The following GAREM1 variants were observed in gnomAD, a reference collection of about 807,000 sequenced individuals.
The protein encoded by GAREM1 is GRB2 associated regulator of MAPK1 subtype 1, also known as GRB2-associated and regulator of MAPK protein 1.
In GAREM1, 26 loss-of-function variants were observed where a neutral mutation model predicts 71.3. That is an observed-to-expected ratio of 0.36 (90% confidence interval 0.27 to 0.51). The LOEUF is 0.51. GAREM1 is among the 20% of genes least tolerant of loss of function. GAREM1 has a pLI of 0.95. For missense variants in GAREM1, 1,026 were observed against 1,103.1 expected (o/e 0.93, Z 0.99); for synonymous variants, 440 against 433.2 (o/e 1.02, Z -0.20).
At chr18:32,300,882 GGC>G (rs2047193558) in intron 3 of GAREM1, among the ~76,000 whole-genome samples, 2 of 141,646 alleles carry the variant, frequency 1.4e-5, no homozygotes, top group Admixed American at 7.3e-5. Context: ...CTCCAGCCCG[GGC>G]AACAAGAGTG....
chr18:32,463,425 A>AT (rs2048970095), intron 1 of GAREM1, among the ~76,000 whole-genome samples: 2 of 152,068 alleles, frequency 1.3e-5, no homozygotes, highest in African/African-American at 4.8e-5. Flanking sequence ...TAGGTTTATC[A>AT]CTGTCCACTG....
rs778557546 is a variant in GAREM1, at chr18:32,287,137, G to A, written c.1460C>T (p.Ser487Phe). 1.4e-5 allele frequency: 23 copies of A among 1,614,216 alleles called. No individual in the cohort carries two copies. The highest frequency in any genetic ancestry group is 1.8e-5 in the Non-Finnish European group (21 of 1,180,018). The change falls in exon 4 of 6, where the codon TCC becomes TTC. Residue 487 changes from serine (S) to phenylalanine (F), a missense_variant. Around this residue, in one of 3 missense-constraint regions of GAREM1, gnomAD observed 636 missense variants for 631.2 expected, o/e 1.01. Coordinates refer to ENST00000269209, the MANE Select transcript of GAREM1 (RefSeq NM_001242409.2). The surrounding 1 kb of genome is among the most constrained non-coding windows in gnomAD (Gnocchi z 5.9). Reference sequence around the variant, plus strand: ...GGGAAGAGGAGAAGTCGCACATTTGGATCGGACAGAACCTCTAAACTGATC... The same window carrying A: ...GGGAAGAGGAGAAGTCGCACATTTGAATCGGACAGAACCTCTAAACTGATC... ...RCDQFRGSVR[S>F]KCATSPLPIP... is the part of the protein sequence containing the mutation.
intron 2 of GAREM1, among the ~76,000 whole-genome samples, chr18:32,330,242 A>G (rs1016765135): frequency 2.6e-5 from 4 of 152,208 alleles, no homozygotes; most frequent in African/African-American, 9.7e-5. Context: ...ATCCTAAGTG[A>G]ATTAATGCAG....
In GAREM1 at chr18:32,311,834, G is replaced by A. The variant is rs567813986; in HGVS notation, c.263-1511C>T. On this transcript the variant is annotated intron_variant, in intron 2 of 5. Transcript: ENST00000269209. ...ACCTGAGTGGAATGGGGATTTGAGC[G>A]GAGAGCTGGTGATCTAACCAATGCT... is the stretch of plus-strand genomic sequence containing the variant. Among the ~76,000 whole-genome samples the A allele has an allele frequency of 5.3e-5, 8 of 152,344 alleles. No homozygotes were observed. In the East Asian group the frequency reaches 7.7e-4, roughly 15 times the overall value.
intron 1 of GAREM1, among the ~76,000 whole-genome samples, chr18:32,439,740 C>CA (rs1225920015): frequency 6.6e-6 from 1 of 151,700 alleles, no homozygotes; most frequent in Non-Finnish European, 1.5e-5. Context: ...TAAGTAAGGG[C>CA]AATGTTGGGT....
Position 32,267,308 on chromosome 18 carries a change from G to A in GAREM1, c.*563C>T, listed in dbSNP as rs2041386821. On this transcript the variant is annotated 3_prime_UTR_variant, in exon 6 of 6. Coordinates refer to ENST00000269209, the MANE Select transcript of GAREM1 (RefSeq NM_001242409.2). ...AACATATATCCCTTTATCAACATAT[G>A]ACTCTTGGAAAATGCCTTGTGATAA... 1 of 152,150 alleles carries A rather than the reference G, an allele frequency of 6.6e-6. No homozygotes were observed. The highest frequency in any genetic ancestry group is 2.4e-5 in the African/African-American group (1 of 41,398). The allele number at this position is 152,150 out of a possible 1,614,324, so 9.4% of individuals were successfully genotyped here.
chr18:32,399,526 T>G (rs955199801), intron 1 of GAREM1, among the ~76,000 whole-genome samples: 3 of 152,020 alleles, frequency 2.0e-5, no homozygotes, highest in African/African-American at 7.3e-5. Context: ...TATACAACAG[T>G]AACAGACAAA....
intron 1 of GAREM1, among the ~76,000 whole-genome samples, chr18:32,434,232 G>T (rs774893735): frequency 9.2e-5 from 14 of 152,168 alleles, no homozygotes; most frequent in Non-Finnish European, 1.9e-4. Context: ...TTAGGTATCA[G>T]AGTTATACAC....
intron 3 of GAREM1, among the ~76,000 whole-genome samples, chr18:32,296,896 C>T (rs753740965): frequency 4.6e-5 from 7 of 152,078 alleles, no homozygotes; most frequent in Non-Finnish European, 8.8e-5. Context: ...CATCTGCTAT[C>T]AATTTTAGCC....
intron 2 of GAREM1, among the ~76,000 whole-genome samples, chr18:32,384,760 TA>T (rs1487895722): frequency 3.3e-5 from 5 of 152,190 alleles, no homozygotes; most frequent in Admixed American, 2.0e-4. Context: ...GAGTTATTAT[TA>T]AGCAATGTGA....
At chr18:32,455,129 T>A (rs1189226086) in intron 1 of GAREM1, among the ~76,000 whole-genome samples, 1 of 152,222 alleles carries the variant, frequency 6.6e-6, no homozygotes, top group African/African-American at 2.4e-5. Flanking sequence ...CAGGGACTAA[T>A]CTCACACTTG....
At chr18:32,291,319 A>C (rs1416873170) in intron 3 of GAREM1, among the ~76,000 whole-genome samples, 3 of 141,526 alleles carry the variant, frequency 2.1e-5, no homozygotes, top group African/African-American at 8.4e-5. Flanking sequence ...TTTGTTACCA[A>C]AAAAAAAAAA....
At chr18:32,412,386 C>A in intron 1 of GAREM1, 2 of 1,588,398 alleles carry the variant, frequency 1.3e-6, no homozygotes, top group Non-Finnish European at 1.7e-6. Flanking sequence ...GTTGTAATTG[C>A]CAAAATCATT....
At position 32,287,967 on chromosome 18, in the gene GAREM1, G is replaced by A. The variant is rs2144468864; in HGVS notation, c.630C>T (p.Ser210=). 6.2e-7 allele frequency: 1 copy of A among 1,614,118 alleles called. No homozygotes were observed. Among genetic ancestry groups the A allele is most frequent in the Non-Finnish European group, 8.5e-7 (1 of 1,180,014 alleles). The change falls in exon 4 of 6, where the codon AGC becomes AGT. Residue 210 remains serine, a synonymous_variant. Coordinates refer to ENST00000269209, the MANE Select transcript of GAREM1 (RefSeq NM_001242409.2). This position sits in a 1 kb window ranked among gnomAD's most constrained non-coding sequence, Gnocchi z 5.9. ...CMNHRTNESI[S]LPFQCKGRFS... is the part of the protein sequence containing the mutation. Reference sequence around the variant, plus strand: ...ATCTGCCCTTGCACTGGAATGGAAGGCTAATGCTTTCGTTGGTCCGGTGAT... The same window carrying A: ...ATCTGCCCTTGCACTGGAATGGAAGACTAATGCTTTCGTTGGTCCGGTGAT...
intron 2 of GAREM1, among the ~76,000 whole-genome samples, chr18:32,322,294 G>T (rs530398589): frequency 6.6e-6 from 1 of 152,234 alleles, no homozygotes; most frequent in South Asian, 2.1e-4. Flanking sequence ...TGCAGGAGGG[G>T]TGGCACATAG....
At chr18:32,383,004 TTCTC>T (rs2048112211) in intron 2 of GAREM1, among the ~76,000 whole-genome samples, 1 of 152,212 alleles carries the variant, frequency 6.6e-6, no homozygotes, top group African/African-American at 2.4e-5. Flanking sequence ...AACGGAATCT[TTCTC>T]ATGTCTATGT....
At chr18:32,329,629 C>T (rs951462104) in intron 2 of GAREM1, among the ~76,000 whole-genome samples, 1 of 148,226 alleles carries the variant, frequency 6.7e-6, no homozygotes, top group African/African-American at 2.6e-5. Context: ...TCACTTGAAC[C>T]CAGGAGGCGG....
intron 2 of GAREM1, among the ~76,000 whole-genome samples, chr18:32,385,157 C>A (rs1165228422): frequency 6.6e-6 from 1 of 151,636 alleles, no homozygotes; most frequent in African/African-American, 2.4e-5. Flanking sequence ...TGATTTCACT[C>A]CTATGTCCTC....
At chr18:32,414,344 A>C (rs1354597977) in intron 1 of GAREM1, among the ~76,000 whole-genome samples, 1 of 152,124 alleles carries the variant, frequency 6.6e-6, no homozygotes, top group African/African-American at 2.4e-5. Flanking sequence ...CAGACCGAAG[A>C]AAGAGAGACA....
Sources: gnomAD v4.1 joint callset for allele counts (sites outside exome capture counted in the v4.1 genomes callset) on GRCh38, gnomAD v4.1.1 for gene constraint, gnomAD v4.1.1 regional missense constraint, Gnocchi (gnomAD v3.1) non-coding constraint, MANE v1.5 for transcripts, NCBI Gene and HGNC (gene_info 2026-07-23, HGNC 2026-07-21) for gene names.